ZNF618: variants seen among roughly 807,000 people sequenced by gnomAD.
ZNF618 encodes the protein neural precursor cell expressed, developmentally down-regulated 10.
ZNF618 carries 34 observed loss-of-function variants against 103.0 expected under a neutral mutation model. That is an observed-to-expected ratio of 0.33 (90% CI 0.25 to 0.44). The LOEUF (loss-of-function observed/expected upper bound fraction) is 0.44. Ranked by LOEUF, ZNF618 falls within the 20% of genes least tolerant of loss-of-function variation. The pLI, the probability that ZNF618 is intolerant of heterozygous loss-of-function variation, is 1.00. For missense variants in ZNF618, 1,059 were observed against 1,295.4 expected (o/e 0.82, Z 2.80); for synonymous variants, 551 against 542.2 (o/e 1.02, Z -0.23).
At chr9:113,950,153 G>GT (rs928547142) in intron 1 of ZNF618, among the ~76,000 whole-genome samples, 2 of 152,206 alleles carry the variant, frequency 1.3e-5, no homozygotes, top group African/African-American at 4.8e-5. Flanking sequence ...AGCGGTTATG[G>GT]TTTCCAGGTA....
intron 1 of ZNF618, among the ~76,000 whole-genome samples, chr9:113,894,380 T>C (rs1277835797): frequency 6.6e-6 from 1 of 152,210 alleles, no homozygotes; most frequent in Non-Finnish European, 1.5e-5. Context: ...AATATGAATT[T>C]TGTTCACAGC....
At chr9:113,886,260 T>G (rs1410692021) in intron 1 of ZNF618, among the ~76,000 whole-genome samples, 1 of 152,230 alleles carries the variant, frequency 6.6e-6, no homozygotes, top group Non-Finnish European at 1.5e-5. Flanking sequence ...CATTCTTACC[T>G]CTCAGCTTTG....
At chr9:113,887,745 A>G (rs1208923799) in intron 1 of ZNF618, among the ~76,000 whole-genome samples, 2 of 152,224 alleles carry the variant, frequency 1.3e-5, no homozygotes, top group Non-Finnish European at 2.9e-5. Context: ...CCAGGCGGGT[A>G]GCAGCAGTCT....
At chr9:113,971,696 C>T (rs1217070785) in intron 2 of ZNF618, among the ~76,000 whole-genome samples, 1 of 152,188 alleles carries the variant, frequency 6.6e-6, no homozygotes, top group Non-Finnish European at 1.5e-5. Flanking sequence ...GGCAGGTTTT[C>T]CCACGGTGGC....
At chr9:114,016,930 A>C (rs1588353311) in intron 10 of ZNF618, 146 bp downstream of exon 10, 1 of 620,852 alleles carries the variant, frequency 1.6e-6, no homozygotes, top group East Asian at 2.8e-5. Context: ...ATTATGTCTG[A>C]CCCAGGGCCA....
At chr9:113,913,951 C>T (rs1265754821) in intron 1 of ZNF618, among the ~76,000 whole-genome samples, 1 of 152,178 alleles carries the variant, frequency 6.6e-6, no homozygotes, top group African/African-American at 2.4e-5. Flanking sequence ...ATGGAACACA[C>T]TGTGTCTTAG....
chr9:113,942,406 G>T (rs1834637689), intron 1 of ZNF618, among the ~76,000 whole-genome samples: 1 of 152,132 alleles, frequency 6.6e-6, no homozygotes, highest in Non-Finnish European at 1.5e-5. Flanking sequence ...GGACGCAGGA[G>T]TTGAAAGAAG....
chr9:113,941,540 C>T (rs1034497578), intron 1 of ZNF618, among the ~76,000 whole-genome samples: 4 of 152,064 alleles, frequency 2.6e-5, no homozygotes, highest in African/African-American at 9.7e-5. Context: ...TTATTTTTTT[C>T]TCACATTTGA....
At chr9:114,025,281 C>A (rs1843397469) in intron 10 of ZNF618, among the ~76,000 whole-genome samples, 1 of 152,248 alleles carries the variant, frequency 6.6e-6, no homozygotes, top group South Asian at 2.1e-4. Context: ...GTTTCATCCT[C>A]CTCTACCTCG....
rs561300408 is a variant in ZNF618 at position 114,016,284 on chromosome 9, G to C, written c.755-411G>C. 7 of 903,418 alleles carry C rather than the reference G, an allele frequency of 7.7e-6. 1 individual carries two copies. The East Asian group carries it at 1.8e-4, about 23-fold the overall frequency. 56.0% of individuals were successfully genotyped at this position (903,418 alleles called of 1,614,324 possible). ...TGGAGATGAGGGGACCCCGGGTGTGGCCACTGCAGAGGGCAGGGCTTGCAA... is the reference window on the plus strand; with the variant it reads ...TGGAGATGAGGGGACCCCGGGTGTGCCCACTGCAGAGGGCAGGGCTTGCAA... On this transcript the variant is annotated intron_variant, in intron 9 of 14. Coordinates refer to ENST00000374126, the MANE Select transcript of ZNF618 (RefSeq NM_001318042.2).
intron 6 of ZNF618, among the ~76,000 whole-genome samples, chr9:114,005,192 G>A (rs1298572887): frequency 6.6e-6 from 1 of 152,206 alleles, no homozygotes; most frequent in African/African-American, 2.4e-5. Flanking sequence ...GTAGAGTTGG[G>A]TTTGATTAGG....
At chr9:113,940,754 T>G (rs891651059) in intron 1 of ZNF618, among the ~76,000 whole-genome samples, 1 of 152,182 alleles carries the variant, frequency 6.6e-6, no homozygotes, top group Non-Finnish European at 1.5e-5. Context: ...GTTCCCACCC[T>G]TCATCCAGCT....
chr9:113,985,741 C>T (rs1430861856), intron 2 of ZNF618, among the ~76,000 whole-genome samples: 3 of 152,174 alleles, frequency 2.0e-5, no homozygotes, highest in Admixed American at 6.5e-5. Context: ...AGGCTGCCTG[C>T]ATCAGGTCCC....
intron 9 of ZNF618, among the ~76,000 whole-genome samples, chr9:114,012,410 A>G (rs913786435): frequency 6.6e-6 from 1 of 152,178 alleles, no homozygotes; most frequent in Non-Finnish European, 1.5e-5. Context: ...CACTAATCCC[A>G]TGGTGGGGAC....
At chr9:114,001,770 C>T (rs1841227497) in intron 4 of ZNF618, among the ~76,000 whole-genome samples, 1 of 152,154 alleles carries the variant, frequency 6.6e-6, no homozygotes, top group Non-Finnish European at 1.5e-5. Context: ...GAAACTGAGG[C>T]CCAGAGATGG....
chr9:113,896,901 G>T (rs969242089), intron 1 of ZNF618, among the ~76,000 whole-genome samples: 1 of 151,912 alleles, frequency 6.6e-6, no homozygotes. Flanking sequence ...TTCAGTTCTG[G>T]ATTTTCTAAT....
intron 1 of ZNF618, among the ~76,000 whole-genome samples, chr9:113,905,831 C>T (rs751400156): frequency 3.9e-4 from 59 of 152,252 alleles, no homozygotes; most frequent in Middle Eastern, 3.4e-3. Flanking sequence ...TAAACTCATA[C>T]CTCCTCAACT....
At chr9:113,900,082 G>A (rs771638362) in intron 1 of ZNF618, among the ~76,000 whole-genome samples, 12 of 151,884 alleles carry the variant, frequency 7.9e-5, no homozygotes, top group East Asian at 1.9e-4. Context: ...TTTTGAGACC[G>A]AGTCTTGCTG....
intron 1 of ZNF618, among the ~76,000 whole-genome samples, chr9:113,968,091 A>G (rs1385336945): frequency 6.6e-6 from 1 of 152,220 alleles, no homozygotes; most frequent in Non-Finnish European, 1.5e-5. Context: ...AAAAACTCAA[A>G]AAGTTTTTAT....
Sources: allele counts gnomAD v4.1 joint callset (sites outside exome capture counted in the v4.1 genomes callset), GRCh38; gene constraint gnomAD v4.1.1; transcripts MANE v1.5; gene names NCBI Gene and HGNC (gene_info 2026-07-23, HGNC 2026-07-21).